GRID2: variants seen among roughly 807,000 people sequenced by gnomAD.
GRID2 encodes the protein glutamate receptor ionotropic, delta-2.
In GRID2, 33 loss-of-function variants were observed where a neutral mutation model predicts 114.8. That is an observed-to-expected ratio of 0.29 (90% CI 0.22 to 0.38). The LOEUF (loss-of-function observed/expected upper bound fraction) is 0.38. GRID2 is among the 10% of genes least tolerant of loss of function. The pLI is 1.00. For synonymous variants in GRID2, 505 were observed against 449.9 expected (o/e 1.12, Z -1.55); for missense variants, 1,184 against 1,257.7 (o/e 0.94, Z 0.89).
At chr4:93,776,561 C>G (rs1055814135), downstream of GRID2, among the ~76,000 whole-genome samples, 4 of 152,142 alleles carry the variant, frequency 2.6e-5, no homozygotes, top group African/African-American at 9.7e-5. Context: ...TTTCCTGGCT[C>G]CATATCAACA....
At chr4:93,432,433 T>C (rs1001493604) in intron 10 of GRID2, among the ~76,000 whole-genome samples, 1 of 152,114 alleles carries the variant, frequency 6.6e-6, no homozygotes, top group African/African-American at 2.4e-5. Flanking sequence ...GAAGATCAAA[T>C]GAAGTTGAAA....
At chr4:92,618,366 A>G (rs1054037667) in intron 2 of GRID2, among the ~76,000 whole-genome samples, 1 of 151,704 alleles carries the variant, frequency 6.6e-6, no homozygotes, top group Non-Finnish European at 1.5e-5. Context: ...TAATTGGTCT[A>G]TATTTCTGTT....
intron 1 of GRID2, among the ~76,000 whole-genome samples, chr4:92,507,184 T>C (rs7659159): frequency 0.45 from 68,788 of 151,632 alleles, 16,462 homozygotes; most frequent in African/African-American, 0.61. Flanking sequence ...GTGAGGTTAA[T>C]GTTTTTGATA....
intron 1 of GRID2, among the ~76,000 whole-genome samples, chr4:92,412,500 T>G (rs1043012736): frequency 1.2e-4 from 19 of 152,160 alleles, no homozygotes; most frequent in Admixed American, 2.6e-4. Flanking sequence ...GATTTGTAAT[T>G]TTTATATTTT....
chr4:93,201,283 A>C (rs938413652), intron 4 of GRID2, among the ~76,000 whole-genome samples: 2 of 152,236 alleles, frequency 1.3e-5, no homozygotes, highest in African/African-American at 4.8e-5. Context: ...AAATCTACTT[A>C]GCTACAGAAA....
chr4:92,870,169 C>G (rs1348781402), intron 2 of GRID2, among the ~76,000 whole-genome samples: 3 of 151,846 alleles, frequency 2.0e-5, no homozygotes, highest in Non-Finnish European at 4.4e-5. Context: ...CCACTCTACT[C>G]CAGCATGGGT....
intron 1 of GRID2, among the ~76,000 whole-genome samples, chr4:92,585,759 C>T (rs1194881115): frequency 1.3e-5 from 2 of 151,676 alleles, no homozygotes; most frequent in African/African-American, 2.4e-5. Context: ...CTCCACTTGC[C>T]TCTTAAATTT....
At chr4:93,652,784 T>TAAAAAAAAAAA (rs200098114) in intron 14 of GRID2, among the ~76,000 whole-genome samples, 1 of 86,416 alleles carries the variant, frequency 1.2e-5, no homozygotes, top group African/African-American at 4.2e-5. Context: ...CAGTAAATGC[T>TAAAAAAAAAAA]AAAAAAAAAA....
chr4:92,879,619 C>T (rs1453847926), intron 2 of GRID2, among the ~76,000 whole-genome samples: 1 of 152,194 alleles, frequency 6.6e-6, no homozygotes, highest in Non-Finnish European at 1.5e-5. Flanking sequence ...TAGCTTTATT[C>T]CCAGGGCCTA....
intron 2 of GRID2, among the ~76,000 whole-genome samples, chr4:92,664,464 A>T (rs918009302): frequency 6.6e-6 from 1 of 150,904 alleles, no homozygotes; most frequent in Non-Finnish European, 1.5e-5. Flanking sequence ...TCCATTTAAA[A>T]ATATATATAT....
intron 2 of GRID2, among the ~76,000 whole-genome samples, chr4:92,719,523 G>T (rs1360288331): frequency 2.6e-5 from 4 of 152,024 alleles, no homozygotes; most frequent in Admixed American, 6.6e-5. Context: ...AAACAACATT[G>T]CTTAATAGCA....
At chr4:92,965,311 A>G (rs1345163370) in intron 2 of GRID2, among the ~76,000 whole-genome samples, 1 of 151,802 alleles carries the variant, frequency 6.6e-6, no homozygotes, top group African/African-American at 2.4e-5. Flanking sequence ...CATAAGAGAT[A>G]TAACAACAAT....
rs34780370 is a variant in GRID2 at position 93,580,753 on chromosome 4, AT to A, written c.2194-45506del. Among the ~76,000 whole-genome samples, 1,141 of 146,240 alleles carry A rather than the reference AT, an allele frequency of 7.8e-3. 9 individuals are homozygous for A. Among genetic ancestry groups the A allele is most frequent in the African/African-American group, 0.025 (977 of 39,702 alleles). On this transcript the variant is annotated intron_variant, in intron 13 of 15. Transcript: ENST00000282020. ...TCTTCCCCAGTCCCTGGCAAAGAGC[AT>A]TTTTTTTTTCTTTTTTTTGGTATTG...
chr4:93,758,130 C>A (rs930453990), intron 14 of GRID2, among the ~76,000 whole-genome samples: 2 of 152,034 alleles, frequency 1.3e-5, no homozygotes, highest in African/African-American at 4.8e-5. Context: ...TCTAAACACT[C>A]TACTAAAAAA....
At chr4:93,542,495 A>T (rs796481443) in intron 13 of GRID2, among the ~76,000 whole-genome samples, 1 of 152,314 alleles carries the variant, frequency 6.6e-6, no homozygotes, top group African/African-American at 2.4e-5. Context: ...CACATCATAG[A>T]ATAAGAAAGT....
At chr4:93,776,370 T>C (rs957226627), downstream of GRID2, among the ~76,000 whole-genome samples, 1 of 152,252 alleles carries the variant, frequency 6.6e-6, no homozygotes, top group Non-Finnish European at 1.5e-5. Flanking sequence ...TAGAAATTAC[T>C]TATCTGACAC....
intron 2 of GRID2, among the ~76,000 whole-genome samples, chr4:92,638,266 G>A (rs1032568272): frequency 4.0e-5 from 6 of 151,484 alleles, no homozygotes; most frequent in Non-Finnish European, 7.4e-5. Flanking sequence ...TGCTAACTCA[G>A]TGTAGAAGAG....
intron 9 of GRID2, among the ~76,000 whole-genome samples, chr4:93,417,528 C>T (rs1380804632): frequency 6.6e-6 from 1 of 151,854 alleles, no homozygotes; most frequent in Non-Finnish European, 1.5e-5. Context: ...TTGTCATTAC[C>T]ACAGAAACCA....
At chr4:92,408,342 G>A (rs9994881) in intron 1 of GRID2, among the ~76,000 whole-genome samples, 2,528 of 145,982 alleles carry the variant, frequency 0.017, 74 homozygotes, top group African/African-American at 0.06. Context: ...TATGGTTAAT[G>A]TAGCCTTACA....
Sources: allele counts gnomAD v4.1 joint callset (sites outside exome capture counted in the v4.1 genomes callset), GRCh38; gene constraint gnomAD v4.1.1; transcripts MANE v1.5; gene names NCBI Gene and HGNC (gene_info 2026-07-23, HGNC 2026-07-21).